Variants in ADGRV1 observed in about 807,000 individuals in gnomAD.
ADGRV1 encodes adhesion G protein-coupled receptor V1, also known as G-protein coupled receptor 98.
In ADGRV1, 359 loss-of-function variants were observed where a neutral mutation model predicts 596.2. The observed-to-expected ratio is 0.60, with a 90% CI of 0.55 to 0.66. The LOEUF is 0.66. Ranked by LOEUF, ADGRV1 falls within the 30% of genes least tolerant of loss-of-function variation. The pLI is 0.00. For missense variants in ADGRV1, 7,274 were observed against 7,575.6 expected (o/e 0.96, Z 1.48); for synonymous variants, 2,681 against 2,679.2 (o/e 1.00, Z -0.02).
At chr5:91,152,219 A>G (rs978412648) in intron 88 of ADGRV1, among the ~76,000 whole-genome samples, 2 of 152,222 alleles carry the variant, frequency 1.3e-5, no homozygotes, top group Non-Finnish European at 2.9e-5. Flanking sequence ...GGGAAAGTAC[A>G]GGAAGGAAGG....
intron 83 of ADGRV1, among the ~76,000 whole-genome samples, chr5:90,948,360 G>A (rs1776772812): frequency 6.6e-6 from 1 of 152,062 alleles, no homozygotes; most frequent in African/African-American, 2.4e-5. Context: ...GGCCTTAGGT[G>A]ACCACGGAAC....
chr5:90,758,443 A>T (rs922590969), intron 57 of ADGRV1, among the ~76,000 whole-genome samples: 2 of 152,232 alleles, frequency 1.3e-5, no homozygotes, highest in African/African-American at 2.4e-5. Flanking sequence ...CTTTAATGAC[A>T]TTATCAGCAC....
intron 73 of ADGRV1, among the ~76,000 whole-genome samples, chr5:90,809,408 A>G (rs191698544): frequency 7.9e-5 from 12 of 152,200 alleles, no homozygotes; most frequent in African/African-American, 2.6e-4. Flanking sequence ...GACGAAAGTC[A>G]TAGATAGATT....
Position 91,150,016 on chromosome 5 carries a change from T to TTC in ADGRV1, c.18433-13_18433-12insCT, listed in dbSNP as rs756623874. Reference sequence around the variant, plus strand: ...TTCTTTTTCTTTTCTTTTCTTTTTTTTTTTTTTTTGCAGGGACTTTATGTT... The same window carrying TTC: ...TTCTTTTTCTTTTCTTTTCTTTTTTTTCTTTTTTTTTGCAGGGACTTTATGTT... On this transcript the variant is annotated splice_polypyrimidine_tract_variant and intron_variant, in intron 87 of 89. Coordinates refer to ENST00000405460, the MANE Select transcript of ADGRV1 (RefSeq NM_032119.4). 3.3e-6 allele frequency: 5 copies of TTC among 1,500,064 alleles called. No individual in the cohort carries two copies. In the South Asian group the frequency reaches 6.7e-5, roughly 20 times the overall value. The allele number at this position is 1,500,064 out of a possible 1,614,324, so 92.9% of individuals were successfully genotyped here.
At chr5:90,925,300 AT>A (rs1487259062) in intron 83 of ADGRV1, among the ~76,000 whole-genome samples, 1 of 149,982 alleles carries the variant, frequency 6.7e-6, no homozygotes, top group South Asian at 2.1e-4. Context: ...ATCCTCTTTT[AT>A]TTCCTTGAGC....
rs540700983 is a variant in ADGRV1, at chr5:90,600,468, T to A, written c.23-14367T>A. 1.3e-4 allele frequency among the ~76,000 whole-genome samples: 20 copies of A among 152,346 alleles called. No homozygotes were observed. The South Asian group carries it at 3.9e-3, about 30-fold the overall frequency. The stretch of plus-strand genomic sequence containing the variant: ...TGGTTTCCAGCTTCATCCGTGTCCC[T>A]GCAAAGGACATGAACTCATCATTTT... On this transcript the variant is annotated intron_variant, in intron 1 of 89. Transcript: ENST00000405460.
Position 90,697,094 on chromosome 5 carries a change from G to A in ADGRV1, c.8103G>A (p.Val2701=), listed in dbSNP as rs779457571. Residue 2701 remains valine, a synonymous_variant, in exon 34 of 90, where the codon GTG becomes GTA. Transcript: ENST00000405460. ...TGAACATTTTGGCCAATGACAATGT[G>A]GCAGGAATTGTTAGCTTTCAGACAG... is the stretch of plus-strand genomic sequence containing the variant. ...VRVNILANDN[V]AGIVSFQTAS... is the part of the protein sequence containing the mutation. The A allele has an allele frequency of 1.2e-6, 2 of 1,613,372 alleles. No individual in the cohort carries two copies. Among genetic ancestry groups the A allele is most frequent in the South Asian group, 1.1e-5 (1 of 91,052 alleles).
intron 1 of ADGRV1, among the ~76,000 whole-genome samples, chr5:90,605,443 A>G (rs1761995588): frequency 6.6e-6 from 1 of 151,792 alleles, no homozygotes; most frequent in Non-Finnish European, 1.5e-5. Context: ...AAAAAAATAG[A>G]AAAAACTTTG....
At chr5:90,648,537 G>A (rs143231001) in intron 17 of ADGRV1, among the ~76,000 whole-genome samples, 1 of 152,154 alleles carries the variant, frequency 6.6e-6, no homozygotes, top group African/African-American at 2.4e-5. Context: ...ATGATGCCCT[G>A]TCTGCCACCC....
chr5:90,712,478 C>T (rs1444286991), intron 42 of ADGRV1, 50 bp downstream of exon 42: 4 of 1,358,486 alleles, frequency 2.9e-6, no homozygotes, highest in Non-Finnish European at 4.1e-6. Context: ...TGCTGGGTTC[C>T]TTAATATGGG....
chr5:90,902,594 C>T (rs1771947103), intron 83 of ADGRV1, among the ~76,000 whole-genome samples: 1 of 152,124 alleles, frequency 6.6e-6, no homozygotes, highest in African/African-American at 2.4e-5. Context: ...TGATTGTTAG[C>T]ACCTAGAGGG....
At chr5:91,011,770 A>G (rs1343154337) in intron 85 of ADGRV1, among the ~76,000 whole-genome samples, 1 of 151,950 alleles carries the variant, frequency 6.6e-6, no homozygotes, top group Non-Finnish European at 1.5e-5. Flanking sequence ...AAAAAAAAGC[A>G]ATGCTAACAG....
chr5:90,623,774 A>G (rs937180231), intron 5 of ADGRV1, among the ~76,000 whole-genome samples: 3 of 152,138 alleles, frequency 2.0e-5, no homozygotes, highest in Admixed American at 6.5e-5. Context: ...GCACTCCACC[A>G]TGGGAATCCA....
At chr5:90,836,829 C>T (rs190656969) in intron 77 of ADGRV1, among the ~76,000 whole-genome samples, 6 of 152,306 alleles carry the variant, frequency 3.9e-5, no homozygotes, top group Non-Finnish European at 7.4e-5. Context: ...ATGACAGTTT[C>T]ACCTCTCTGG....
At chr5:91,047,675 A>AG (rs1310925283) in intron 85 of ADGRV1, among the ~76,000 whole-genome samples, 6 of 152,264 alleles carry the variant, frequency 3.9e-5, no homozygotes, top group Middle Eastern at 3.4e-3. Flanking sequence ...ACCCAATAAC[A>AG]ATACTTTGAT....
chr5:91,048,791 A>G lies in ADGRV1; in HGVS notation c.18153-23656A>G, dbSNP rs76138853. 8.2e-3 allele frequency among the ~76,000 whole-genome samples: 1,250 copies of G among 152,280 alleles called. 16 individuals are homozygous for G. The highest frequency in any genetic ancestry group is 0.029 in the African/African-American group (1,185 of 41,538). On this transcript the variant is annotated intron_variant, in intron 85 of 89. Transcript: ENST00000405460. ...ACCTGATGCCTTAGGTTCTTGATCA[A>G]AACTTCCAGTTTAACAGCAAGATCT...
At chr5:90,934,313 C>T (rs532732251) in intron 83 of ADGRV1, among the ~76,000 whole-genome samples, 1 of 152,218 alleles carries the variant, frequency 6.6e-6, no homozygotes, top group East Asian at 1.9e-4. Flanking sequence ...GAATGCTGCT[C>T]AATCTTGCTA....
chr5:90,837,806 C>T (rs188659940), intron 77 of ADGRV1, among the ~76,000 whole-genome samples: 1 of 152,226 alleles, frequency 6.6e-6, no homozygotes, highest in East Asian at 1.9e-4. Flanking sequence ...TCACTACCAC[C>T]TTGTTTCAGA....
chr5:90,674,179 A>G lies in ADGRV1; in HGVS notation c.5055A>G (p.Ile1685Met), dbSNP rs1233175645. 2.0e-5 allele frequency: 33 copies of G among 1,612,696 alleles called. No homozygotes were observed. Among genetic ancestry groups the G allele is most frequent in the Admixed American group, 3.3e-5 (2 of 59,792 alleles). Reference sequence around the variant, plus strand: ...CAACTCCTACCAGTGGTGCAAGCATAGATCCTGAAAAGGAAACGACTGATA... The same window carrying G: ...CAACTCCTACCAGTGGTGCAAGCATGGATCCTGAAAAGGAAACGACTGATA... ...LGSTPTSGASIDPEKETTDIT... is the reference protein window; with the variant it reads ...LGSTPTSGASMDPEKETTDIT... The change falls in exon 23 of 90, where the codon ATA becomes ATG. Residue 1685 changes from isoleucine (I) to methionine (M), a missense_variant. Physicochemically the swap from Ile to Met is conservative, Grantham distance 10. Transcript: ENST00000405460.
Sources: gnomAD v4.1 joint callset for allele counts (sites outside exome capture counted in the v4.1 genomes callset) on GRCh38, gnomAD v4.1.1 for gene constraint, MANE v1.5 for transcripts, NCBI Gene and HGNC (gene_info 2026-07-23, HGNC 2026-07-21) for gene names.